Variants in ZNF365 observed in about 807,000 individuals in gnomAD.
The protein encoded by ZNF365 is protein ZNF365.
A neutral mutation model predicts 35.0 loss-of-function variants in ZNF365; 22 were observed. The observed-to-expected ratio is 0.63, with a 90% CI of 0.45 to 0.90. The LOEUF (loss-of-function observed/expected upper bound fraction) is 0.90, where lower values mean the gene tolerates loss of function less well. ZNF365 is among the 40% of genes least tolerant of loss of function. The probability of loss-of-function intolerance (pLI) is 0.00; values close to 1 mark genes in which losing one functional copy is unlikely to be tolerated. For synonymous variants in ZNF365, 188 were observed against 196.2 expected (o/e 0.96, Z 0.35); for missense variants, 448 against 500.3 (o/e 0.90, Z 1.00).
intron 4 of ZNF365, among the ~76,000 whole-genome samples, chr10:62,468,610 A>G (rs953393292): frequency 2.0e-5 from 3 of 152,170 alleles, no homozygotes; most frequent in South Asian, 2.1e-4. Context: ...TATGAGGACA[A>G]TGCCCCCCCA....
chr10:62,416,354 C>G (rs772207361), intron 3 of ZNF365, among the ~76,000 whole-genome samples: 2 of 152,072 alleles, frequency 1.3e-5, no homozygotes, highest in Non-Finnish European at 2.9e-5. Flanking sequence ...TAATGTTCTC[C>G]TAACAAAAGA....
chr10:62,429,951 A>C (rs1311500094), intron 3 of ZNF365, among the ~76,000 whole-genome samples: 1 of 152,222 alleles, frequency 6.6e-6, no homozygotes, highest in Non-Finnish European at 1.5e-5. Context: ...GACAGTTAAC[A>C]TAAAAATAAT....
intron 2 of ZNF365, among the ~76,000 whole-genome samples, chr10:62,385,529 G>A (rs1238888932): frequency 6.6e-6 from 1 of 152,148 alleles, no homozygotes; most frequent in Non-Finnish European, 1.5e-5. Context: ...GCCATCAAAT[G>A]TTGCTGTCTT....
chr10:62,468,613 C>T (rs1589471598), intron 4 of ZNF365, among the ~76,000 whole-genome samples: 1 of 151,936 alleles, frequency 6.6e-6, no homozygotes, highest in Non-Finnish European at 1.5e-5. Flanking sequence ...GAGGACAATG[C>T]CCCCCCAGAT....
intron 2 of ZNF365, among the ~76,000 whole-genome samples, chr10:62,378,965 A>T (rs1299591014): frequency 6.6e-6 from 1 of 151,594 alleles, no homozygotes; most frequent in Non-Finnish European, 1.5e-5. Context: ...CTTGGTTATT[A>T]TCCTTGTACA....
chr10:62,413,579 C>G (rs2132441418), intron 3 of ZNF365, among the ~76,000 whole-genome samples: 2 of 152,238 alleles, frequency 1.3e-5, no homozygotes, highest in Middle Eastern at 3.4e-3. Context: ...CCAGAGTGGT[C>G]AAATTTTAGA....
intron 3 of ZNF365, among the ~76,000 whole-genome samples, chr10:62,425,050 C>T (rs1840231103): frequency 6.6e-6 from 1 of 152,058 alleles, no homozygotes; most frequent in Non-Finnish European, 1.5e-5. Flanking sequence ...CCTTTTGGGT[C>T]TTAGAAGTTT....
chr10:62,386,552 A>G (rs1000568046), intron 2 of ZNF365, among the ~76,000 whole-genome samples: 1 of 152,208 alleles, frequency 6.6e-6, no homozygotes, highest in Admixed American at 6.5e-5. Context: ...TTTTATACAT[A>G]TGTAATTCCC....
At chr10:62,396,574 C>G (rs1839731255) in intron 3 of ZNF365, among the ~76,000 whole-genome samples, 1 of 152,286 alleles carries the variant, frequency 6.6e-6, no homozygotes, top group Middle Eastern at 3.4e-3. Context: ...GCATTTCCCT[C>G]TTGGTAAGAC....
intron 2 of ZNF365, among the ~76,000 whole-genome samples, chr10:62,381,969 T>C (rs1338000892): frequency 2.0e-5 from 3 of 152,210 alleles, no homozygotes; most frequent in Non-Finnish European, 4.4e-5. Context: ...GTTCCGACCA[T>C]GGGATGGTAA....
chr10:62,479,831 T>A, intron 4 of ZNF365: 1 of 1,356,798 alleles, frequency 7.4e-7, no homozygotes, highest in Non-Finnish European at 1.1e-6. Context: ...GGCACCTAGA[T>A]ACCACTGCAA....
intron 2 of ZNF365, among the ~76,000 whole-genome samples, chr10:62,385,012 G>A (rs563921389): frequency 6.6e-6 from 1 of 152,304 alleles, no homozygotes; most frequent in East Asian, 1.9e-4. Context: ...GTACACACAT[G>A]ATATTCCACA....
At chr10:62,440,694 A>T (rs951601264) in intron 3 of ZNF365, among the ~76,000 whole-genome samples, 1 of 152,184 alleles carries the variant, frequency 6.6e-6, no homozygotes, top group Non-Finnish European at 1.5e-5. Context: ...TAAAAGTGTC[A>T]TCTCATTATT....
chr10:62,423,514 A>G (rs1840205918), intron 3 of ZNF365, among the ~76,000 whole-genome samples: 1 of 152,194 alleles, frequency 6.6e-6, no homozygotes, highest in African/African-American at 2.4e-5. Context: ...TCAGAATATT[A>G]GTTTTGATAG....
chr10:62,428,427 G>A (rs1438051967), intron 3 of ZNF365, among the ~76,000 whole-genome samples: 1 of 152,116 alleles, frequency 6.6e-6, no homozygotes, highest in Non-Finnish European at 1.5e-5. Context: ...AAGATCTGAT[G>A]GTTTTATAAG....
rs937503673 is a variant in ZNF365, at chr10:62,400,352, G to C, written c.*563G>C. On this transcript the variant is annotated 3_prime_UTR_variant, in exon 5 of 5. Coordinates refer to ENST00000395254, the MANE Select transcript of ZNF365 (RefSeq NM_014951.3). Reference sequence around the variant, plus strand: ...GATTTCAATTTCTGGGTTGCTCAAGGGACTCGTTCAGTCAGACTTCAGTTC... The same window carrying C: ...GATTTCAATTTCTGGGTTGCTCAAGCGACTCGTTCAGTCAGACTTCAGTTC... 3 of 986,296 alleles carry C rather than the reference G, an allele frequency of 3.0e-6. No individual in the cohort carries two copies. Among genetic ancestry groups the C allele is most frequent in the Non-Finnish European group, 3.6e-6 (3 of 830,294 alleles). 61.1% of individuals were successfully genotyped at this position (986,296 alleles called of 1,614,324 possible).
intron 4 of ZNF365, among the ~76,000 whole-genome samples, chr10:62,471,358 T>A (rs1841034324): frequency 7.2e-6 from 1 of 138,468 alleles, no homozygotes; most frequent in Non-Finnish European, 1.5e-5. Flanking sequence ...AGAGCAAGAC[T>A]CTGTCTCAAA....
At chr10:62,477,469 C>T (rs992719742) in intron 4 of ZNF365, among the ~76,000 whole-genome samples, 14 of 152,144 alleles carry the variant, frequency 9.2e-5, no homozygotes, top group African/African-American at 3.4e-4. Context: ...AGTGCTTCAT[C>T]CTTTAGATAT....
intron 4 of ZNF365, among the ~76,000 whole-genome samples, chr10:62,399,040 T>C (rs1179900099): frequency 6.6e-6 from 1 of 152,226 alleles, no homozygotes; most frequent in African/African-American, 2.4e-5. Context: ...AGTATAACTT[T>C]CTCTTATTGA....
Sources: gnomAD v4.1 joint callset for allele counts (sites outside exome capture counted in the v4.1 genomes callset) on GRCh38, gnomAD v4.1.1 for gene constraint, MANE v1.5 for transcripts, NCBI Gene and HGNC (gene_info 2026-07-23, HGNC 2026-07-21) for gene names.